Variants in KLHL6 observed in about 807,000 individuals in gnomAD.
KLHL6 encodes the protein kelch-like protein 6.
Under a neutral mutation model 58.6 loss-of-function variants are expected in KLHL6, and 41 were observed. The observed-to-expected ratio is 0.70, with a 90% CI of 0.55 to 0.91. KLHL6 has a LOEUF of 0.91. KLHL6 is among the 40% of genes least tolerant of loss of function. The pLI is 0.00. For missense variants in KLHL6, 714 were observed against 805.6 expected, an observed-to-expected ratio of 0.89 and a Z score of 1.38; for synonymous variants, 338 against 322.7, an observed-to-expected ratio of 1.05 and a Z score of -0.51.
At chr3:183,517,705 G>A (rs888996089) in intron 2 of KLHL6, among the ~76,000 whole-genome samples, 1 of 152,170 alleles carries the variant, frequency 6.6e-6, no homozygotes, top group Non-Finnish European at 1.5e-5. Context: ...GGTGGCCCCA[G>A]CAGGCTAGCA....
intron 2 of KLHL6, among the ~76,000 whole-genome samples, chr3:183,527,427 G>A (rs1470149107): frequency 6.6e-6 from 1 of 152,044 alleles, no homozygotes; most frequent in Non-Finnish European, 1.5e-5. Context: ...AAAACTGAAA[G>A]GAGAACAGAA....
At chr3:183,506,437 C>T (rs1297457040) in intron 3 of KLHL6, among the ~76,000 whole-genome samples, 2 of 152,194 alleles carry the variant, frequency 1.3e-5, no homozygotes, top group African/African-American at 2.4e-5. Context: ...CCTACTATAA[C>T]AAGCTCCCAG....
chr3:183,551,663 T>G (rs1712920297), intron 1 of KLHL6, among the ~76,000 whole-genome samples: 1 of 152,146 alleles, frequency 6.6e-6, no homozygotes, highest in Non-Finnish European at 1.5e-5. Context: ...TTGAAATCAG[T>G]GAATGATGTC....
At chr3:183,527,809 T>C in intron 2 of KLHL6, 36 bp downstream of exon 2, 2 of 1,609,106 alleles carry the variant, frequency 1.2e-6, no homozygotes, top group South Asian at 1.1e-5. Flanking sequence ...ATTCACCTGC[T>C]TCAGAGAAGA....
At chr3:183,519,522 G>A (rs1711672467) in intron 2 of KLHL6, among the ~76,000 whole-genome samples, 1 of 152,108 alleles carries the variant, frequency 6.6e-6, no homozygotes, top group African/African-American at 2.4e-5. Flanking sequence ...AAACTTTCCT[G>A]TGTCACTACC....
chr3:183,494,382 A>C (rs1717659963), intron 4 of KLHL6, 101 bp from the exon 5 acceptor site: 1 of 954,220 alleles, frequency 1.0e-6, no homozygotes, highest in East Asian at 2.4e-5. Context: ...TCCCCAGGCC[A>C]GCCCTACCCT....
chr3:183,517,896 T>C (rs750267007), intron 2 of KLHL6, among the ~76,000 whole-genome samples: 4 of 152,114 alleles, frequency 2.6e-5, no homozygotes, highest in Non-Finnish European at 4.4e-5. Context: ...TGTGTGTGCG[T>C]AGGGCACAGG....
rs763750132 is a variant in KLHL6 at position 183,555,388 on chromosome 3, A to G, written c.266T>C (p.Val89Ala). ...GAAATAGTTGCTGGCTGCGGCAAGCACCACGCGGTGGCAGGAGAATTCCTG... is the reference window on the plus strand; with the variant it reads ...GAAATAGTTGCTGGCTGCGGCAAGCGCCACGCGGTGGCAGGAGAATTCCTG... ...DIQEFSCHRV[V>A]LAAASNYFRA... Residue 89 changes from valine (V) to alanine (A), a missense_variant, in exon 1 of 7, where the codon GTG (valine) becomes GCG (alanine). Physicochemically the swap from Val to Ala is moderately conservative, Grantham distance 64. This residue lies in a region of KLHL6 where 204 missense variants were observed against 175.9 expected (regional missense o/e 1.16). Coordinates refer to ENST00000341319, the MANE Select transcript of KLHL6 (RefSeq NM_130446.4). The G allele has an allele frequency of 6.2e-7, 1 of 1,614,108 alleles. No homozygotes were observed.
rs781096738 is a variant in KLHL6, at chr3:183,499,614, A to G, written c.1123T>C (p.Leu375=). The G allele has an allele frequency of 5.6e-6, 9 of 1,600,178 alleles. No individual in the cohort carries two copies. The highest frequency in any genetic ancestry group is 2.3e-5 in the East Asian group (1 of 44,420). Reference sequence around the variant, plus strand: ...CCTGAGATGTAGACCTCATTTTTCAATGTCACGCATGCAAACTCCACCCAC... The same window carrying G: ...CCTGAGATGTAGACCTCATTTTTCAGTGTCACGCATGCAAACTCCACCCAC... ...KKWVEFACVT[L]KNEVYISGGK... The change falls in exon 4 of 7, where the codon TTG becomes CTG. Residue 375 remains leucine (L), a synonymous_variant. Coordinates refer to ENST00000341319, the MANE Select transcript of KLHL6 (RefSeq NM_130446.4). The surrounding 1 kb of genome is among the most constrained non-coding windows in gnomAD (Gnocchi z 4.6).
chr3:183,504,004 G>A (rs191932896), intron 3 of KLHL6, among the ~76,000 whole-genome samples: 23 of 152,278 alleles, frequency 1.5e-4, no homozygotes, highest in African/African-American at 3.1e-4. Flanking sequence ...ATGGTGGCTG[G>A]TTGGTTGGTT....
chr3:183,546,933 G>T (rs569039550), intron 1 of KLHL6, among the ~76,000 whole-genome samples: 3 of 130,772 alleles, frequency 2.3e-5, no homozygotes, highest in Non-Finnish European at 4.8e-5. Flanking sequence ...TTTTTTTGAC[G>T]GAATCTCTCA....
At chr3:183,549,989 A>AAAAC (rs201038855) in intron 1 of KLHL6, among the ~76,000 whole-genome samples, 1,936 of 152,288 alleles carry the variant, frequency 0.013, 32 homozygotes, top group African/African-American at 0.044. Flanking sequence ...CAAACAGTAA[A>AAAAC]AAACAAACAA....
At chr3:183,498,190 C>T (rs560558283) in intron 4 of KLHL6, among the ~76,000 whole-genome samples, 18 of 152,204 alleles carry the variant, frequency 1.2e-4, no homozygotes, top group Admixed American at 2.6e-4. Flanking sequence ...GCCGAGATCA[C>T]GCCACTGCAC....
At chr3:183,495,448 G>A (rs11075) in intron 4 of KLHL6, among the ~76,000 whole-genome samples, 30,051 of 151,900 alleles carry the variant, frequency 0.2, 3,278 homozygotes, top group Middle Eastern at 0.28. Flanking sequence ...TTTGGGTGGG[G>A]TACCTTTCAG....
intron 1 of KLHL6, among the ~76,000 whole-genome samples, chr3:183,547,091 T>G: frequency 6.6e-6 from 1 of 152,128 alleles, no homozygotes; most frequent in East Asian, 1.9e-4. Context: ...TTTATATTTT[T>G]TAGTAGAGAC....
chr3:183,504,923 G>A (rs1043238731), intron 3 of KLHL6, among the ~76,000 whole-genome samples: 3 of 152,090 alleles, frequency 2.0e-5, no homozygotes, highest in South Asian at 4.1e-4. Context: ...TGTACTCAAT[G>A]TTTAGCTCTC....
chr3:183,505,476 A>G (rs936493992), intron 3 of KLHL6, among the ~76,000 whole-genome samples: 2 of 152,238 alleles, frequency 1.3e-5, no homozygotes, highest in Admixed American at 1.3e-4. Context: ...ACCTTAAGAA[A>G]CTACAGAAAT....
chr3:183,532,192 A>G (rs895788598), intron 1 of KLHL6, among the ~76,000 whole-genome samples: 1 of 152,192 alleles, frequency 6.6e-6, no homozygotes, highest in African/African-American at 2.4e-5. Flanking sequence ...TCGTGTCCTT[A>G]TAAGAACAGA....
chr3:183,527,759 C>A (rs573315878), intron 2 of KLHL6, 86 bp downstream of exon 2: 4 of 1,212,942 alleles, frequency 3.3e-6, no homozygotes, highest in African/African-American at 3.0e-5. Context: ...AGGTACAGGC[C>A]TGGGAGCTAG....
Sources: allele counts gnomAD v4.1 joint callset (sites outside exome capture counted in the v4.1 genomes callset), GRCh38; gene constraint gnomAD v4.1.1; regional missense constraint gnomAD v4.1.1; non-coding constraint Gnocchi (gnomAD v3.1); transcripts MANE v1.5; gene names NCBI Gene and HGNC (gene_info 2026-07-23, HGNC 2026-07-21).